Variants in LRRC4C observed in about 807,000 individuals in gnomAD.
LRRC4C encodes leucine-rich repeat-containing protein 4C.
In LRRC4C, 5 loss-of-function variants were observed where a neutral mutation model predicts 33.6. The ratio of observed to expected loss-of-function variants is 0.15; its 90% confidence interval spans 0.08 to 0.31. LRRC4C has a LOEUF of 0.31. LRRC4C is among the 10% of genes least tolerant of loss of function. LRRC4C has a pLI of 1.00. For missense variants in LRRC4C, 560 were observed against 796.7 expected (o/e 0.70, Z 3.58); for synonymous variants, 329 against 302.0 (o/e 1.09, Z -0.93).
intron 3 of LRRC4C, among the ~76,000 whole-genome samples, chr11:40,486,169 A>T (rs1336727346): frequency 6.6e-6 from 1 of 150,948 alleles, no homozygotes; most frequent in African/African-American, 2.5e-5. Flanking sequence ...AAAAAAAAAA[A>T]AAGGAGCCAG....
intron 2 of LRRC4C, among the ~76,000 whole-genome samples, chr11:40,796,459 G>A (rs1950828753): frequency 6.6e-6 from 1 of 152,084 alleles, no homozygotes; most frequent in East Asian, 1.9e-4. Flanking sequence ...ACTTTAGCCA[G>A]ATTCTGAAAG....
intron 1 of LRRC4C, among the ~76,000 whole-genome samples, chr11:40,990,285 G>T (rs1239710056): frequency 1.6e-5 from 2 of 127,918 alleles, no homozygotes; most frequent in African/African-American, 2.8e-5. Context: ...GAATATATGA[G>T]TATTCTTGAC....
Position 40,936,058 on chromosome 11 carries a change from ATATATAT to A in LRRC4C, c.-495-2342_-495-2336del, listed in dbSNP as rs1565219388. The stretch of plus-strand genomic sequence containing the variant: ...TATATATATATATATATATATATAT[ATATATAT>A]AACATAGTTTGAACCTTAACTCTGT... On this transcript the variant is annotated intron_variant, in intron 1 of 6. Coordinates refer to ENST00000528697, the MANE Select transcript of LRRC4C (RefSeq NM_001258419.2). Among the ~76,000 whole-genome samples the A allele has an allele frequency of 5.8e-3, 612 of 106,264 alleles. 21 individuals are homozygous for A. The highest frequency in any genetic ancestry group is 0.016 in the African/African-American group (449 of 28,078). The allele number at this position is 106,264 out of a possible 152,430, so 69.7% of individuals were successfully genotyped here.
rs548446093 is a variant in LRRC4C, at chr11:40,460,008, A to G, written c.-269-140287T>C. On this transcript the variant is annotated intron_variant, in intron 3 of 6. Transcript: ENST00000528697. ...TCAAGTTCCTTTTAGCAACAATGCA[A>G]TTTTTCAGGGTGTGGTAAAAGCTAA... 1.2e-4 allele frequency among the ~76,000 whole-genome samples: 19 copies of G among 152,230 alleles called. No individual in the cohort carries two copies. In the East Asian group the frequency reaches 3.7e-3, roughly 29 times the overall value.
At chr11:40,382,507 G>C (rs538109287) in intron 3 of LRRC4C, among the ~76,000 whole-genome samples, 1 of 151,438 alleles carries the variant, frequency 6.6e-6, no homozygotes, top group South Asian at 2.1e-4. Flanking sequence ...ACCTCCAAAA[G>C]TTTCCTCCAA....
At chr11:41,181,425 C>A (rs889720219) in intron 1 of LRRC4C, among the ~76,000 whole-genome samples, 3 of 151,954 alleles carry the variant, frequency 2.0e-5, no homozygotes, top group Non-Finnish European at 4.4e-5. Flanking sequence ...CCCTGAGCCA[C>A]CACTGGTCTC....
chr11:40,665,977 T>A (rs1943786190), intron 2 of LRRC4C, among the ~76,000 whole-genome samples: 1 of 152,170 alleles, frequency 6.6e-6, no homozygotes, highest in Admixed American at 6.5e-5. Flanking sequence ...TGTGTGTGTA[T>A]ATGTGTGTGA....
intron 4 of LRRC4C, among the ~76,000 whole-genome samples, chr11:40,253,169 A>G (rs1380318255): frequency 6.6e-6 from 1 of 152,212 alleles, no homozygotes; most frequent in Non-Finnish European, 1.5e-5. Flanking sequence ...ACCTAGGTAT[A>G]TATACTTTTA....
At chr11:40,336,964 G>C (rs1180997577) in intron 3 of LRRC4C, among the ~76,000 whole-genome samples, 1 of 121,290 alleles carries the variant, frequency 8.2e-6, no homozygotes, top group Non-Finnish European at 1.6e-5. Flanking sequence ...GGGACAGAGC[G>C]AGACTTCGTC....
chr11:41,125,614 C>G (rs1215439644), intron 1 of LRRC4C, among the ~76,000 whole-genome samples: 1 of 151,704 alleles, frequency 6.6e-6, no homozygotes, highest in Non-Finnish European at 1.5e-5. Flanking sequence ...GTCTATTTAC[C>G]CAACTGTATT....
chr11:40,117,485 T>C (rs984964884), intron 6 of LRRC4C, among the ~76,000 whole-genome samples: 2 of 152,220 alleles, frequency 1.3e-5, no homozygotes, highest in Non-Finnish European at 2.9e-5. Flanking sequence ...CTTGTGTCCC[T>C]ACTCTTACTG....
At chr11:40,526,866 G>A (rs978793668) in intron 3 of LRRC4C, among the ~76,000 whole-genome samples, 5 of 152,134 alleles carry the variant, frequency 3.3e-5, no homozygotes, top group African/African-American at 1.2e-4. Context: ...AATGGCGATT[G>A]CTGTATACAA....
chr11:40,654,153 G>T (rs185499565), intron 2 of LRRC4C, among the ~76,000 whole-genome samples: 4 of 152,202 alleles, frequency 2.6e-5, no homozygotes, highest in Non-Finnish European at 4.4e-5. Context: ...AGGGCAGTGT[G>T]GATGGGAAAT....
intron 3 of LRRC4C, among the ~76,000 whole-genome samples, chr11:40,488,282 C>G (rs113306172): frequency 9.1e-6 from 1 of 109,370 alleles, no homozygotes. Context: ...GTGTTTTTTT[C>G]CCCCCCCCAC....
At chr11:40,382,250 G>A (rs1041532642) in intron 3 of LRRC4C, among the ~76,000 whole-genome samples, 4 of 150,082 alleles carry the variant, frequency 2.7e-5, no homozygotes, top group Non-Finnish European at 4.4e-5. Context: ...CCAAAGGGCT[G>A]GGATTACAGG....
chr11:40,917,052 C>T (rs2136324406), intron 2 of LRRC4C, among the ~76,000 whole-genome samples: 1 of 152,174 alleles, frequency 6.6e-6, no homozygotes, highest in East Asian at 1.9e-4. Context: ...CAATCACAAA[C>T]TTAGTGACTC....
At chr11:40,777,646 G>A (rs1950058915) in intron 2 of LRRC4C, among the ~76,000 whole-genome samples, 1 of 150,462 alleles carries the variant, frequency 6.6e-6, no homozygotes, top group African/African-American at 2.4e-5. Flanking sequence ...ATGTGAGATG[G>A]GTATCTTAAA....
chr11:40,154,287 CA>C (rs60017606), intron 5 of LRRC4C, among the ~76,000 whole-genome samples: 94,924 of 114,320 alleles, frequency 0.83, 38,666 homozygotes, highest in East Asian at 0.9. Context: ...AGCTAAAAAG[CA>C]AAAAAAAAAA....
At chr11:40,384,548 G>A (rs761026849) in intron 3 of LRRC4C, among the ~76,000 whole-genome samples, 1 of 152,070 alleles carries the variant, frequency 6.6e-6, no homozygotes, top group Non-Finnish European at 1.5e-5. Flanking sequence ...TAGTTGATGG[G>A]TCCAACATTC....
Sources: allele counts gnomAD v4.1 joint callset (sites outside exome capture counted in the v4.1 genomes callset), GRCh38; gene constraint gnomAD v4.1.1; transcripts MANE v1.5; gene names NCBI Gene and HGNC (gene_info 2026-07-23, HGNC 2026-07-21).